The following DTNBP1 variants were observed in gnomAD, a reference collection of about 807,000 sequenced individuals.
The protein encoded by DTNBP1 is dystrobrevin binding protein 1.
In DTNBP1, 35 loss-of-function variants were observed where a neutral mutation model predicts 42.8. The ratio of observed to expected loss-of-function variants is 0.82; its 90% CI spans 0.63 to 1.09. The LOEUF is 1.09. Among genes scored for constraint, DTNBP1 ranks in the 50% least tolerant of loss-of-function variants. The probability of loss-of-function intolerance (pLI) is 0.00; values close to 1 mark genes in which losing one functional copy is unlikely to be tolerated. For synonymous variants in DTNBP1, 171 were observed against 162.2 expected (o/e 1.05, Z -0.41); for missense variants, 457 against 424.2 (o/e 1.08, Z -0.68).
chr6:15,536,158 C>T (rs943957921), intron 7 of DTNBP1, among the ~76,000 whole-genome samples: 3 of 152,216 alleles, frequency 2.0e-5, no homozygotes, highest in Non-Finnish European at 2.9e-5. Flanking sequence ...TTTAGAAAAT[C>T]TGTAGCCTGA....
At chr6:15,625,763 A>G (rs576579683) in intron 5 of DTNBP1, among the ~76,000 whole-genome samples, 1 of 152,356 alleles carries the variant, frequency 6.6e-6, no homozygotes, top group Non-Finnish European at 1.5e-5. Flanking sequence ...ATAAGAGAAC[A>G]TGTCTGCAAA....
At chr6:15,566,314 C>CAA (rs34136394) in intron 7 of DTNBP1, among the ~76,000 whole-genome samples, 242 of 90,130 alleles carry the variant, frequency 2.7e-3, no homozygotes, top group South Asian at 8.0e-3. Flanking sequence ...GACTCCGTCT[C>CAA]AAAAAAAAAA....
chr6:15,539,487 G>C (rs1419544912), intron 7 of DTNBP1, among the ~76,000 whole-genome samples: 1 of 152,192 alleles, frequency 6.6e-6, no homozygotes, highest in African/African-American at 2.4e-5. Context: ...CGCTCATTGG[G>C]ATGCACAGAG....
intron 8 of DTNBP1, 68 bp from the exon 9 acceptor site, chr6:15,524,737 TGGCATTA>T (rs761622359): frequency 3.9e-4 from 618 of 1,587,398 alleles, no homozygotes; most frequent in Middle Eastern, 9.9e-4. Context: ...GAACTTCCAT[TGGCATTA>T]GGCTAACTAC....
At chr6:15,657,902 C>A (rs1266075897) in intron 1 of DTNBP1, among the ~76,000 whole-genome samples, 2 of 152,178 alleles carry the variant, frequency 1.3e-5, no homozygotes, top group Non-Finnish European at 2.9e-5. Context: ...ATCGCAATTT[C>A]TCCTCATTAT....
At position 15,652,122 on chromosome 6, in the gene DTNBP1, G is replaced by T. The variant is rs868699467; in HGVS notation, c.75C>A (p.Asp25Glu). The T allele has an allele frequency of 1.2e-6, 2 of 1,611,332 alleles. No individual in the cohort carries two copies. The highest frequency in any genetic ancestry group is 2.2e-5 in the East Asian group (1 of 44,776). ...TTTTCACTTTTGCTTCTCTTGACTT[G>T]TCACTTAAAGTCTTCAGCCTATAAT... The part of the protein sequence containing the change: ...DFTSGLKTLS[D>E]KSREAKVKSK... Residue 25 changes from aspartate (D) to glutamate (E), a missense_variant, in exon 2 of 10, where the codon GAC (aspartate) becomes GAA (glutamate). By Grantham distance (45) the Asp-to-Glu change is conservative. Coordinates refer to ENST00000344537, the MANE Select transcript of DTNBP1 (RefSeq NM_032122.5).
chr6:15,547,539 G>A (rs1438974803), intron 7 of DTNBP1, among the ~76,000 whole-genome samples: 1 of 152,176 alleles, frequency 6.6e-6, no homozygotes, highest in African/African-American at 2.4e-5. Flanking sequence ...TAGAAATGAC[G>A]GAAATGTTAT....
At chr6:15,658,653 T>A (rs1761419206) in intron 1 of DTNBP1, among the ~76,000 whole-genome samples, 1 of 152,188 alleles carries the variant, frequency 6.6e-6, no homozygotes, top group African/African-American at 2.4e-5. Flanking sequence ...CCTAAATACC[T>A]CAATCCTGAG....
At chr6:15,529,399 G>A (rs1772654937) in intron 8 of DTNBP1, among the ~76,000 whole-genome samples, 1 of 152,176 alleles carries the variant, frequency 6.6e-6, no homozygotes, top group Non-Finnish European at 1.5e-5. Flanking sequence ...ATTTAAGGAT[G>A]GAAATCAAAT....
At chr6:15,619,862 T>C (rs892635553) in intron 5 of DTNBP1, among the ~76,000 whole-genome samples, 4 of 151,972 alleles carry the variant, frequency 2.6e-5, no homozygotes, top group Non-Finnish European at 4.4e-5. Flanking sequence ...AAGTTATTAT[T>C]GGCAATAGTT....
intron 7 of DTNBP1, among the ~76,000 whole-genome samples, chr6:15,554,911 A>G (rs1403525419): frequency 1.3e-5 from 2 of 152,092 alleles, no homozygotes; most frequent in Non-Finnish European, 2.9e-5. Flanking sequence ...CTGGTCAGTT[A>G]TGCGAAAACC....
chr6:15,606,726 T>C (rs1005153612), intron 6 of DTNBP1, among the ~76,000 whole-genome samples: 6 of 152,212 alleles, frequency 3.9e-5, no homozygotes, highest in African/African-American at 1.4e-4. Flanking sequence ...TGCATGCACA[T>C]AAGCATATCA....
At chr6:15,531,575 C>T (rs1371841698) in intron 8 of DTNBP1, among the ~76,000 whole-genome samples, 1 of 152,202 alleles carries the variant, frequency 6.6e-6, no homozygotes, top group African/African-American at 2.4e-5. Flanking sequence ...TCTTCAACTA[C>T]TGCTATTAAT....
At chr6:15,596,847 C>T (rs1278884898) in intron 6 of DTNBP1, among the ~76,000 whole-genome samples, 7 of 152,144 alleles carry the variant, frequency 4.6e-5, no homozygotes, top group East Asian at 1.9e-4. Flanking sequence ...CTCCAGTCGA[C>T]GTCATCTCAG....
At chr6:15,653,884 T>C (rs1034392020) in intron 1 of DTNBP1, among the ~76,000 whole-genome samples, 1 of 149,750 alleles carries the variant, frequency 6.7e-6, no homozygotes, top group Non-Finnish European at 1.5e-5. Flanking sequence ...AATACACAAG[T>C]TGACTCTTGC....
intron 7 of DTNBP1, among the ~76,000 whole-genome samples, chr6:15,564,528 C>G (rs1774983726): frequency 6.6e-6 from 1 of 152,046 alleles, no homozygotes; most frequent in African/African-American, 2.4e-5. Context: ...ATGCCTCAGC[C>G]TCCCAAGTAG....
intron 6 of DTNBP1, among the ~76,000 whole-genome samples, chr6:15,600,206 G>T (rs1231810569): frequency 6.6e-6 from 1 of 152,168 alleles, no homozygotes; most frequent in Non-Finnish European, 1.5e-5. Context: ...CAAGCACAGA[G>T]TACAGATGGC....
intron 3 of DTNBP1, among the ~76,000 whole-genome samples, chr6:15,649,189 G>A (rs576859448): frequency 6.6e-6 from 1 of 152,206 alleles, no homozygotes; most frequent in African/African-American, 2.4e-5. Context: ...TGAAAGCAAG[G>A]TGTCAAAAAG....
chr6:15,602,418 C>T (rs1776766888), intron 6 of DTNBP1, among the ~76,000 whole-genome samples: 1 of 152,106 alleles, frequency 6.6e-6, no homozygotes, highest in African/African-American at 2.4e-5. Flanking sequence ...GCTCTCATAT[C>T]CGTCAAGAAA....
Sources: gnomAD v4.1 joint callset for allele counts (sites outside exome capture counted in the v4.1 genomes callset) on GRCh38, gnomAD v4.1.1 for gene constraint, MANE v1.5 for transcripts, NCBI Gene and HGNC (gene_info 2026-07-23, HGNC 2026-07-21) for gene names.